Variants in GLOD4 observed in about 807,000 individuals in gnomAD.
GLOD4 encodes glyoxalase domain containing 4.
Under a neutral mutation model 39.1 loss-of-function variants are expected in GLOD4, and 44 were observed. The observed-to-expected ratio is 1.13, with a 90% CI of 0.88 to 1.45. The LOEUF (loss-of-function observed/expected upper bound fraction) is 1.45. GLOD4 is among the 40% of genes most tolerant of loss of function. The pLI is 0.00. For synonymous variants in GLOD4, 145 were observed against 135.0 expected (o/e 1.07, Z -0.52); for missense variants, 405 against 366.4 (o/e 1.11, Z -0.86).
At chr17:769,049 T>C (rs1907385893) in intron 8 of GLOD4, among the ~76,000 whole-genome samples, 1 of 152,246 alleles carries the variant, frequency 6.6e-6, no homozygotes, top group African/African-American at 2.4e-5. Context: ...TCAGCGCCTG[T>C]TTGCACGCTG....
chr17:782,386 C>A (rs1287098863), upstream of GLOD4: 1 of 1,613,450 alleles, frequency 6.2e-7, no homozygotes, highest in East Asian at 2.2e-5. Context: ...AACATGGCGG[C>A]GCTGGTGAGA....
chr17:775,982 A>C, intron 3 of GLOD4, 63 bp from the exon 4 acceptor site: 2 of 1,396,196 alleles, frequency 1.4e-6, no homozygotes, highest in Non-Finnish European at 2.0e-6. Flanking sequence ...GAACAAGACA[A>C]TGAGCCCAAC....
At chr17:773,518 G>GT (rs559095431) in intron 4 of GLOD4, among the ~76,000 whole-genome samples, 9 of 151,556 alleles carry the variant, frequency 5.9e-5, no homozygotes, top group Non-Finnish European at 1.0e-4. Flanking sequence ...GGGTGTGTGT[G>GT]TTTTTTTTCA....
At chr17:760,611 C>A (rs905519098) in intron 8 of GLOD4, among the ~76,000 whole-genome samples, 2 of 152,204 alleles carry the variant, frequency 1.3e-5, no homozygotes, top group Admixed American at 6.5e-5. Flanking sequence ...TCCTGCCACT[C>A]ACAGCATCTG....
intron 4 of GLOD4, among the ~76,000 whole-genome samples, chr17:774,024 T>G (rs1908458818): frequency 6.6e-6 from 1 of 152,158 alleles, no homozygotes; most frequent in African/African-American, 2.4e-5. Context: ...TTTTAAGCAC[T>G]GAAATATCAC....
chr17:782,639 G>A, upstream of GLOD4: 1 of 1,613,616 alleles, frequency 6.2e-7, no homozygotes, highest in Non-Finnish European at 8.5e-7. Flanking sequence ...CCAGCACCTG[G>A]GAAGAGTCTG....
upstream of GLOD4, chr17:783,368 GT>G: frequency 6.6e-7 from 1 of 1,510,758 alleles, no homozygotes; most frequent in Non-Finnish European, 8.9e-7. Context: ...TTTTTGTCTT[GT>G]TCTGTCACCC....
At chr17:783,325 T>TGG, upstream of GLOD4, 1 of 1,606,472 alleles carries the variant, frequency 6.2e-7, no homozygotes, top group Non-Finnish European at 8.5e-7. Context: ...CAAGGAATAA[T>TGG]GGGTTAGTGA....
intron 2 of GLOD4, 132 bp downstream of exon 2, chr17:778,560 GCTC>G: frequency 1.4e-6 from 1 of 714,022 alleles, no homozygotes; most frequent in East Asian, 2.6e-5. Flanking sequence ...TGTTCCCGAC[GCTC>G]CTGAAGTTGC....
chr17:784,433 T>C (rs750060609), upstream of GLOD4, among the ~76,000 whole-genome samples: 8 of 152,232 alleles, frequency 5.3e-5, no homozygotes, highest in Admixed American at 2.0e-4. Context: ...GAAAGTGTTA[T>C]TCATTTTTAC....
chr17:767,905 G>A (rs745623911), intron 8 of GLOD4, among the ~76,000 whole-genome samples: 3 of 143,234 alleles, frequency 2.1e-5, no homozygotes, highest in African/African-American at 5.3e-5. Context: ...GAGAAACAGC[G>A]CGCACTCAGA....
intron 8 of GLOD4, 121 bp from the exon 9 acceptor site, chr17:760,359 A>G: frequency 1.6e-6 from 1 of 628,802 alleles, no homozygotes; most frequent in Non-Finnish European, 2.8e-6. Context: ...AAGGACCCAA[A>G]CCCCCGCTCC....
chr17:767,280 AG>A (rs1906748190), intron 8 of GLOD4, among the ~76,000 whole-genome samples: 2 of 152,374 alleles, frequency 1.3e-5, no homozygotes, highest in Admixed American at 1.3e-4. Flanking sequence ...AGTACATGCC[AG>A]GTATGTGCTA....
At chr17:762,713 G>A (rs1905719726) in intron 8 of GLOD4, among the ~76,000 whole-genome samples, 1 of 151,100 alleles carries the variant, frequency 6.6e-6, no homozygotes. Flanking sequence ...CCTACTCAGT[G>A]CGTGATCTTC....
chr17:770,626 A>T (rs1907790581), intron 5 of GLOD4, 119 bp from the exon 6 acceptor site: 3 of 649,048 alleles, frequency 4.6e-6, no homozygotes, highest in East Asian at 5.3e-5. Flanking sequence ...TCTCTATCCT[A>T]CTCTCACCCC....
intron 1 of GLOD4, among the ~76,000 whole-genome samples, chr17:779,008 T>G (rs1909409620): frequency 6.6e-6 from 1 of 152,120 alleles, no homozygotes; most frequent in East Asian, 1.9e-4. Context: ...AAGTGTGGCC[T>G]TCAGCATTAA....
In GLOD4 at chr17:781,897, C is replaced by A. The variant is rs920505417; in HGVS notation, c.90+269G>T. The A allele has an allele frequency of 2.6e-5, 12 of 463,288 alleles. No homozygotes were observed. In the East Asian group the frequency reaches 4.0e-4, roughly 15 times the overall value. The allele number at this position is 463,288 out of a possible 1,614,324, so 28.7% of individuals were successfully genotyped here. A position where few individuals can be genotyped will look rare whatever the true frequency, so the allele number is the denominator to read the frequency against. ...CGGTAGACGGTAAGCTCCACAAGGG[C>A]GGGGCTCAATAAACGTTTACGAGTG... On this transcript the variant is annotated intron_variant, in intron 1 of 8. Transcript: ENST00000301329.
intron 5 of GLOD4, chr17:771,080 A>G (rs1240847575): frequency 3.5e-5 from 11 of 316,882 alleles, no homozygotes; most frequent in Non-Finnish European, 5.2e-5. Flanking sequence ...AATCCATTCA[A>G]TCTCTTGGAT....
Position 776,923 on chromosome 17 carries a change from G to A in GLOD4, c.206C>T (p.Ala69Val), listed in dbSNP as rs1412452166. Residue 69 changes from alanine to valine, a missense_variant, in exon 3 of 9, where the codon GCA becomes GTA. Ala to Val is a moderately conservative substitution (Grantham distance 64). Coordinates refer to ENST00000301329, the MANE Select transcript of GLOD4 (RefSeq NM_016080.4). ...GFGPEDDHFVAELTYNYGVGD... is the reference protein window; with the variant it reads ...GFGPEDDHFVVELTYNYGVGD... The stretch of plus-strand genomic sequence containing the variant: ...GACGCCATAATTGTAAGTCAGTTCT[G>A]CGACAAAATGATCATCCTCAGGCCC... The A allele has an allele frequency of 1.9e-6, 3 of 1,610,220 alleles. No homozygotes were observed. The African/African-American group carries it at 4.0e-5, about 22-fold the overall frequency.
Sources: gnomAD v4.1 joint callset for allele counts (sites outside exome capture counted in the v4.1 genomes callset) on GRCh38, gnomAD v4.1.1 for gene constraint, MANE v1.5 for transcripts, NCBI Gene and HGNC (gene_info 2026-07-23, HGNC 2026-07-21) for gene names.